Variants in ADGRV1 observed in about 807,000 individuals in gnomAD.
ADGRV1 encodes the protein G-protein coupled receptor 98.
ADGRV1 carries 359 observed loss-of-function variants against 596.2 expected under a neutral mutation model. The observed-to-expected ratio is 0.60, with a 90% CI of 0.55 to 0.66. ADGRV1 has a LOEUF of 0.66. ADGRV1 is among the 30% of genes least tolerant of loss of function. The probability of loss-of-function intolerance (pLI) is 0.00; values close to 1 mark genes in which losing one functional copy is unlikely to be tolerated. For synonymous variants in ADGRV1, 2,681 were observed against 2,679.2 expected, an observed-to-expected ratio of 1.00 and a Z score of -0.02; for missense variants, 7,274 against 7,575.6, an observed-to-expected ratio of 0.96 and a Z score of 1.48.
intron 83 of ADGRV1, among the ~76,000 whole-genome samples, chr5:90,922,644 C>A (rs1389026029): frequency 4.6e-5 from 7 of 152,170 alleles, no homozygotes; most frequent in African/African-American, 1.7e-4. Flanking sequence ...TTGCTGCTTT[C>A]CCGGTGTTAT....
intron 85 of ADGRV1, among the ~76,000 whole-genome samples, chr5:90,996,432 G>T (rs1781425295): frequency 6.6e-6 from 1 of 152,202 alleles, no homozygotes; most frequent in Admixed American, 6.5e-5. Flanking sequence ...GCCTGTGGGT[G>T]CACAGAGTAC....
intron 82 of ADGRV1, among the ~76,000 whole-genome samples, chr5:90,860,722 TA>T (rs200972948): frequency 0.034 from 4,619 of 134,910 alleles, 153 homozygotes; most frequent in African/African-American, 0.096. Flanking sequence ...GGTGGTATAA[TA>T]AAAAAAAAAA....
At chr5:90,930,351 G>T (rs1295830125) in intron 83 of ADGRV1, among the ~76,000 whole-genome samples, 1 of 152,094 alleles carries the variant, frequency 6.6e-6, no homozygotes, top group African/African-American at 2.4e-5. Context: ...CAGAAATAGT[G>T]AATGAGAATG....
chr5:90,694,888 A>G (rs964104266), intron 33 of ADGRV1, among the ~76,000 whole-genome samples, 187 bp downstream of exon 33: 32 of 152,228 alleles, frequency 2.1e-4, no homozygotes, highest in Non-Finnish European at 8.8e-5. Context: ...ATAGACTGAC[A>G]TGACTGTACA....
chr5:90,593,610 TAA>T (rs1213798476), intron 1 of ADGRV1, among the ~76,000 whole-genome samples: 1 of 152,060 alleles, frequency 6.6e-6, no homozygotes, highest in African/African-American at 2.4e-5. Context: ...AATAATTTTT[TAA>T]AAAGAGTACA....
At chr5:90,854,744 A>G (rs372154108) in intron 81 of ADGRV1, among the ~76,000 whole-genome samples, 18 of 152,180 alleles carry the variant, frequency 1.2e-4, no homozygotes, top group African/African-American at 4.3e-4. Context: ...GAGCTCAGTC[A>G]ATGCTGCAGG....
intron 50 of ADGRV1, among the ~76,000 whole-genome samples, chr5:90,742,726 A>C (rs1266008428): frequency 6.6e-6 from 1 of 152,182 alleles, no homozygotes; most frequent in African/African-American, 2.4e-5. Flanking sequence ...TTCTTTAGAG[A>C]TGTTGAAAGA....
intron 87 of ADGRV1, among the ~76,000 whole-genome samples, chr5:91,105,382 T>C (rs945821593): frequency 3.9e-5 from 6 of 152,214 alleles, no homozygotes; most frequent in Non-Finnish European, 8.8e-5. Flanking sequence ...TCATATGTAG[T>C]TCTATTGGCA....
intron 89 of ADGRV1, among the ~76,000 whole-genome samples, chr5:91,158,754 G>T (rs934874886): frequency 9.2e-5 from 14 of 152,262 alleles, no homozygotes; most frequent in Admixed American, 9.2e-4. Context: ...CAGAGTTTAT[G>T]TTCTGAAAAA....
intron 42 of ADGRV1, among the ~76,000 whole-genome samples, chr5:90,714,141 C>T (rs995385669): frequency 2.0e-5 from 3 of 152,090 alleles, no homozygotes; most frequent in Non-Finnish European, 4.4e-5. Context: ...TTCTCCATAT[C>T]CTTACCAGCA....
intron 34 of ADGRV1, among the ~76,000 whole-genome samples, chr5:90,701,940 T>C (rs1747960833): frequency 6.6e-6 from 1 of 151,252 alleles, no homozygotes; most frequent in Admixed American, 6.6e-5. Flanking sequence ...CTTTGCACTT[T>C]AGTACTTCAT....
At chr5:90,637,584 G>T in intron 10 of ADGRV1, 141 bp from the exon 11 acceptor site, 1 of 452,882 alleles carries the variant, frequency 2.2e-6, no homozygotes, top group East Asian at 3.1e-5. Context: ...GTGTTTTAAT[G>T]CATTTAATAG....
At chr5:90,704,742 A>T (rs984100711) in intron 36 of ADGRV1, among the ~76,000 whole-genome samples, 9 of 152,118 alleles carry the variant, frequency 5.9e-5, no homozygotes, top group Non-Finnish European at 8.8e-5. Flanking sequence ...CGAAGGTAGA[A>T]TTTTTTTGAA....
chr5:91,091,001 A>G (rs945075046), intron 86 of ADGRV1, among the ~76,000 whole-genome samples: 2 of 152,062 alleles, frequency 1.3e-5, no homozygotes, highest in Non-Finnish European at 2.9e-5. Context: ...TGTAAAATGC[A>G]TTTCTCACCG....
intron 87 of ADGRV1, among the ~76,000 whole-genome samples, chr5:91,120,916 G>A (rs1793259706): frequency 6.6e-6 from 1 of 152,216 alleles, no homozygotes; most frequent in African/African-American, 2.4e-5. Flanking sequence ...GCTCACGCCT[G>A]TAATCCCAGC....
intron 1 of ADGRV1, among the ~76,000 whole-genome samples, chr5:90,577,955 C>G (rs532055885): frequency 6.6e-6 from 1 of 152,054 alleles, no homozygotes; most frequent in Non-Finnish European, 1.5e-5. Flanking sequence ...TTTTTGCACA[C>G]GGATTTTGTA....
intron 21 of ADGRV1, among the ~76,000 whole-genome samples, chr5:90,658,670 T>A (rs1375702045): frequency 1.3e-5 from 1 of 74,796 alleles, no homozygotes; most frequent in African/African-American, 9.9e-5. Context: ...TAAAATATGA[T>A]TTTTTGATTT....
At chr5:90,807,974 G>A (rs969853543) in intron 73 of ADGRV1, among the ~76,000 whole-genome samples, 1 of 152,152 alleles carries the variant, frequency 6.6e-6, no homozygotes. Context: ...GGGGTCTGGG[G>A]TACCATCTCC....
At chr5:90,958,642 A>T (rs1777716183) in intron 83 of ADGRV1, among the ~76,000 whole-genome samples, 1 of 152,130 alleles carries the variant, frequency 6.6e-6, no homozygotes, top group African/African-American at 2.4e-5. Context: ...TTAGGTGGCC[A>T]TCATCTCCCT....
Sources: allele counts gnomAD v4.1 joint callset (sites outside exome capture counted in the v4.1 genomes callset), GRCh38; gene constraint gnomAD v4.1.1; transcripts MANE v1.5; gene names NCBI Gene and HGNC (gene_info 2026-07-23, HGNC 2026-07-21).